The following KAZN variants were observed in gnomAD, a reference collection of about 807,000 sequenced individuals.
The protein encoded by KAZN is kazrin.
Under a neutral mutation model 87.4 loss-of-function variants are expected in KAZN, and 40 were observed. The observed-to-expected ratio is 0.46, with a 90% CI of 0.36 to 0.60. The LOEUF is 0.60. KAZN is among the 20% of genes least tolerant of loss of function. The probability of loss-of-function intolerance (pLI) is 0.00; values close to 1 mark genes in which losing one functional copy is unlikely to be tolerated. For missense variants in KAZN, 898 were observed against 1,073.9 expected (o/e 0.84, Z 2.29); for synonymous variants, 466 against 458.3 (o/e 1.02, Z -0.22).
Position 14,761,890 on chromosome 1 carries a change from CTT to C in KAZN, c.226+162683_226+162684del, listed in dbSNP as rs5772600. ...TTACTTAACATCTGGGTGGCAGAGT[CTT>C]TTTTTTTTTTTTTTTCTACTCAGCT... On this transcript the variant is annotated intron_variant, in intron 1 of 14. Coordinates refer to ENST00000376030, the MANE Select transcript of KAZN (RefSeq NM_201628.3). Among the ~76,000 whole-genome samples the C allele has an allele frequency of 4.6e-3, 636 of 138,850 alleles. 1 individual carries two copies. The highest frequency in any genetic ancestry group is 0.015 in the Middle Eastern group (4 of 268). The allele number at this position is 138,850 out of a possible 152,430, so 91.1% of individuals were successfully genotyped here.
intron 2 of KAZN, among the ~76,000 whole-genome samples, chr1:15,004,992 G>T (rs1363750795): frequency 6.6e-6 from 1 of 152,114 alleles, no homozygotes; most frequent in African/African-American, 2.4e-5. Flanking sequence ...TTGAGCTGGT[G>T]ATACAGAGGT....
At chr1:14,204,422 A>G (rs1049994568) in intron 2 of KAZN, among the ~76,000 whole-genome samples, 4 of 152,240 alleles carry the variant, frequency 2.6e-5, no homozygotes, top group African/African-American at 4.8e-5. Flanking sequence ...GTCCATTTAT[A>G]TGGCTACTAA....
intron 2 of KAZN, among the ~76,000 whole-genome samples, chr1:14,965,057 G>T (rs1463111472): frequency 6.6e-6 from 1 of 150,552 alleles, no homozygotes; most frequent in Non-Finnish European, 1.5e-5. Context: ...TTGAGACAGA[G>T]TCTCACTCTG....
At chr1:13,893,493 A>G in exon 1 of KAZN, 1 of 1,118,890 alleles carries the variant, frequency 8.9e-7, no homozygotes, top group Non-Finnish European at 1.2e-6. Flanking sequence ...AACTGCAAGG[A>G]AAGGGTGGCG....
At chr1:14,098,760 C>T (rs1157370092) in intron 1 of KAZN, among the ~76,000 whole-genome samples, 1 of 152,214 alleles carries the variant, frequency 6.6e-6, no homozygotes, top group Non-Finnish European at 1.5e-5. Context: ...CATTCCAACC[C>T]TGTGTGGCTG....
chr1:14,757,175 T>A (rs947490966), intron 1 of KAZN, among the ~76,000 whole-genome samples: 1 of 152,304 alleles, frequency 6.6e-6, no homozygotes, highest in South Asian at 2.1e-4. Flanking sequence ...CTCCCAAGTG[T>A]CCACAGGAAA....
chr1:15,009,611 G>A (rs1416480099), intron 2 of KAZN, among the ~76,000 whole-genome samples: 1 of 152,230 alleles, frequency 6.6e-6, no homozygotes, highest in African/African-American at 2.4e-5. Flanking sequence ...CAGCTCCATA[G>A]CAAAGGAAGA....
At chr1:15,095,731 T>C (rs1235170902) in intron 10 of KAZN, among the ~76,000 whole-genome samples, 1 of 152,078 alleles carries the variant, frequency 6.6e-6, no homozygotes, top group African/African-American at 2.4e-5. Flanking sequence ...AGTTAGTTAA[T>C]CAAACCTGGT....
chr1:14,781,656 C>T (rs959906427), intron 1 of KAZN, among the ~76,000 whole-genome samples: 2 of 152,150 alleles, frequency 1.3e-5, no homozygotes, highest in African/African-American at 4.8e-5. Context: ...TCAGCACCTC[C>T]TGTAGTAGTT....
intron 1 of KAZN, among the ~76,000 whole-genome samples, chr1:14,035,097 C>T (rs566108003): frequency 6.6e-6 from 1 of 152,312 alleles, no homozygotes; most frequent in African/African-American, 2.4e-5. Context: ...TTCTTTTGTT[C>T]ATTCTATAGC....
chr1:14,467,768 A>G (rs1668245790), intron 2 of KAZN, among the ~76,000 whole-genome samples: 1 of 151,316 alleles, frequency 6.6e-6, no homozygotes, highest in Non-Finnish European at 1.5e-5. Context: ...TTACTCACCT[A>G]AGGTTTCTTC....
intron 1 of KAZN, among the ~76,000 whole-genome samples, chr1:14,846,778 G>T (rs1339415802): frequency 6.6e-6 from 1 of 152,128 alleles, no homozygotes; most frequent in Non-Finnish European, 1.5e-5. Flanking sequence ...CCTTCTACCT[G>T]CCAGGCAGTA....
chr1:13,999,993 C>G (rs957461870), intron 1 of KAZN, among the ~76,000 whole-genome samples: 1 of 152,118 alleles, frequency 6.6e-6, no homozygotes, highest in African/African-American at 2.4e-5. Flanking sequence ...CAAGACTAAA[C>G]CAGGAAGAGG....
At chr1:14,738,703 T>C (rs1372664432) in intron 1 of KAZN, among the ~76,000 whole-genome samples, 1 of 152,126 alleles carries the variant, frequency 6.6e-6, no homozygotes, top group East Asian at 1.9e-4. Context: ...CCTTCACGTA[T>C]GAAGGCTCAT....
Position 14,088,450 on chromosome 1 carries a change from T to A in KAZN, c.92-91985T>A, listed in dbSNP as rs143006470. Among the ~76,000 whole-genome samples the A allele has an allele frequency of 2.8e-3, 425 of 152,136 alleles. 1 individual carries two copies. Among genetic ancestry groups the A allele is most frequent in the African/African-American group, 9.8e-3 (407 of 41,582 alleles). Reference sequence around the variant, plus strand: ...AATATTTGAAGATTTTCCAGATATCTTTCTGTTGTTTTGTCATAGATTTTT... The same window carrying A: ...AATATTTGAAGATTTTCCAGATATCATTCTGTTGTTTTGTCATAGATTTTT... On this transcript the variant is annotated intron_variant, in intron 1 of 16. Coordinates refer to the KAZN transcript ENST00000636203.
chr1:14,140,420 C>T (rs984603072), intron 1 of KAZN, among the ~76,000 whole-genome samples: 4 of 151,896 alleles, frequency 2.6e-5, no homozygotes, highest in African/African-American at 7.3e-5. Flanking sequence ...ATGAAGATCT[C>T]GATAATTATA....
chr1:14,932,687 C>T (rs993215930), intron 1 of KAZN, among the ~76,000 whole-genome samples: 1 of 152,024 alleles, frequency 6.6e-6, no homozygotes, highest in African/African-American at 2.4e-5. Flanking sequence ...TGTGTGTTTT[C>T]CACCCACAAG....
intron 1 of KAZN, among the ~76,000 whole-genome samples, chr1:14,947,495 G>C (rs747471685): frequency 1.3e-5 from 2 of 152,330 alleles, no homozygotes; most frequent in Middle Eastern, 6.8e-3. Context: ...TTTCAACGCT[G>C]TGCCCAATTT....
intron 2 of KAZN, among the ~76,000 whole-genome samples, chr1:14,200,492 T>C (rs572520169): frequency 6.0e-4 from 92 of 152,304 alleles, no homozygotes; most frequent in African/African-American, 2.2e-3. Context: ...CTAACATTTA[T>C]TATTCTATGG....
Sources: allele counts gnomAD v4.1 joint callset (sites outside exome capture counted in the v4.1 genomes callset), GRCh38; gene constraint gnomAD v4.1.1; transcripts MANE v1.5; gene names NCBI Gene and HGNC (gene_info 2026-07-23, HGNC 2026-07-21).